The following TMBIM4 variants were observed in gnomAD, a reference collection of about 807,000 sequenced individuals.
The protein encoded by TMBIM4 is transmembrane BAX inhibitor motif containing 4.
TMBIM4 carries 28 observed loss-of-function variants against 27.7 expected under a neutral mutation model. The observed-to-expected ratio is 1.01, with a 90% CI of 0.75 to 1.38. TMBIM4 has a LOEUF of 1.38. Among genes scored for constraint, TMBIM4 ranks in the 40% most tolerant of loss-of-function variants. The probability of loss-of-function intolerance (pLI) is 0.00; values close to 1 mark genes in which losing one functional copy is unlikely to be tolerated. For synonymous variants in TMBIM4, 115 were observed against 113.1 expected (o/e 1.02, Z -0.11); for missense variants, 265 against 277.5 (o/e 0.95, Z 0.32).
In TMBIM4 at chr12:66,147,947, G is replaced by C; in HGVS notation, c.313-6C>G. On this transcript the variant is annotated splice_polypyrimidine_tract_variant and splice_region_variant and intron_variant, in intron 3 of 6. Transcript: ENST00000358230. ...GTCAGAGCTTCCAACAGCGTCTAAT[G>C]AAAAGAAACTTAAATTAGTGACTGT... is the stretch of plus-strand genomic sequence containing the variant. 6.2e-7 allele frequency: 1 copy of C among 1,610,136 alleles called. No homozygotes were observed.
intron 3 of TMBIM4, among the ~76,000 whole-genome samples, chr12:66,151,394 T>G (rs1373023760): frequency 1.3e-5 from 2 of 152,066 alleles, no homozygotes; most frequent in African/African-American, 4.8e-5. Flanking sequence ...CACACCACCA[T>G]GCCCAGCTAA....
chr12:66,157,016 G>A (rs553346486), intron 1 of TMBIM4, among the ~76,000 whole-genome samples: 3 of 151,918 alleles, frequency 2.0e-5, no homozygotes, highest in Non-Finnish European at 2.9e-5. Context: ...ATTATTCCCC[G>A]CCTAAGTAGC....
At chr12:66,169,360 A>C (rs548500152) in intron 1 of TMBIM4, 3 of 654,540 alleles carry the variant, frequency 4.6e-6, no homozygotes, top group Admixed American at 5.0e-5. Flanking sequence ...GGCCCTGCGG[A>C]GAGGAAATAG....
chr12:66,166,381 C>T (rs1190138757), intron 1 of TMBIM4, among the ~76,000 whole-genome samples: 1 of 148,400 alleles, frequency 6.7e-6, no homozygotes, highest in Non-Finnish European at 1.5e-5. Context: ...GGGAGGATCA[C>T]TTGAGCCTGG....
At chr12:66,146,762 T>C (rs2051758637) in intron 4 of TMBIM4, among the ~76,000 whole-genome samples, 1 of 152,126 alleles carries the variant, frequency 6.6e-6, no homozygotes, top group Non-Finnish European at 1.5e-5. Flanking sequence ...TCATGTTCTT[T>C]CTATCATTAA....
chr12:66,154,292 C>T (rs369047679), intron 1 of TMBIM4, among the ~76,000 whole-genome samples: 1 of 152,244 alleles, frequency 6.6e-6, no homozygotes, highest in South Asian at 2.1e-4. Context: ...CCTAAACATA[C>T]CATTAATCAC....
At chr12:66,160,876 C>T (rs1481228930) in intron 1 of TMBIM4, among the ~76,000 whole-genome samples, 1 of 142,466 alleles carries the variant, frequency 7.0e-6, no homozygotes, top group East Asian at 2.3e-4. Flanking sequence ...CCAGATGGGG[C>T]GGCGGGCGGG....
At chr12:66,141,449 A>C (rs1039290618) in intron 5 of TMBIM4, among the ~76,000 whole-genome samples, 5 of 152,114 alleles carry the variant, frequency 3.3e-5, no homozygotes, top group Non-Finnish European at 7.4e-5. Flanking sequence ...ATAGCTAATA[A>C]GCCAATAAAG....
chr12:66,150,915 A>T (rs562826061), intron 3 of TMBIM4, among the ~76,000 whole-genome samples: 2 of 152,310 alleles, frequency 1.3e-5, no homozygotes, highest in South Asian at 4.1e-4. Context: ...TTTGTCACTG[A>T]ATTTCCTATG....
chr12:66,149,657 C>G (rs564525110), intron 3 of TMBIM4, among the ~76,000 whole-genome samples: 1 of 152,056 alleles, frequency 6.6e-6, no homozygotes, highest in South Asian at 2.1e-4. Flanking sequence ...ACACATGCTC[C>G]TCGAGTTACA....
intron 5 of TMBIM4, chr12:66,139,839 T>C (rs1381511660): frequency 2.2e-6 from 1 of 449,022 alleles, no homozygotes; most frequent in Non-Finnish European, 4.5e-6. Flanking sequence ...GGACTGGGAA[T>C]AGTTTGCATT....
chr12:66,138,953 T>C, intron 5 of TMBIM4, 184 bp from the exon 6 acceptor site: 1 of 811,970 alleles, frequency 1.2e-6, no homozygotes. Flanking sequence ...TTAAAGAAAT[T>C]GAAAGAACAG....
chr12:66,144,041 G>C (rs2051712119), intron 5 of TMBIM4, among the ~76,000 whole-genome samples: 1 of 152,128 alleles, frequency 6.6e-6, no homozygotes. Context: ...GGAGAACTGG[G>C]CTGTATACCA....
intron 3 of TMBIM4, among the ~76,000 whole-genome samples, chr12:66,149,842 G>C (rs1047575168): frequency 3.3e-5 from 5 of 151,534 alleles, no homozygotes; most frequent in Non-Finnish European, 5.9e-5. Flanking sequence ...ATGATTCTAA[G>C]TTGAGGACTA....
intron 6 of TMBIM4, 62 bp from the exon 7 acceptor site, chr12:66,138,228 T>C: frequency 6.5e-7 from 1 of 1,543,362 alleles, no homozygotes; most frequent in Non-Finnish European, 8.7e-7. Context: ...AGGACTTAAC[T>C]TACTTCCTCT....
intron 3 of TMBIM4, among the ~76,000 whole-genome samples, chr12:66,151,381 G>A (rs963957735): frequency 6.6e-6 from 1 of 152,000 alleles, no homozygotes; most frequent in Admixed American, 6.6e-5. Context: ...GGGACTATAG[G>A]TGCACACCAC....
chr12:66,158,948 A>G (rs2051991773), intron 1 of TMBIM4, among the ~76,000 whole-genome samples: 1 of 152,226 alleles, frequency 6.6e-6, no homozygotes, highest in African/African-American at 2.4e-5. Context: ...AGCTACACCC[A>G]GTGAGCTTCA....
chr12:66,167,706 TTAAA>T (rs1201855055), intron 1 of TMBIM4, among the ~76,000 whole-genome samples: 4 of 152,344 alleles, frequency 2.6e-5, no homozygotes, highest in East Asian at 1.9e-4. Flanking sequence ...TGGCCGTTCC[TTAAA>T]TAATTAAAAA....
intron 5 of TMBIM4, among the ~76,000 whole-genome samples, chr12:66,140,482 CAAAA>C (rs201212881): frequency 6.6e-6 from 1 of 151,316 alleles, no homozygotes; most frequent in African/African-American, 2.4e-5. Flanking sequence ...AACAAACAAA[CAAAA>C]AAAACAGAAC....
Sources: allele counts gnomAD v4.1 joint callset (sites outside exome capture counted in the v4.1 genomes callset), GRCh38; gene constraint gnomAD v4.1.1; transcripts MANE v1.5; gene names NCBI Gene and HGNC (gene_info 2026-07-23, HGNC 2026-07-21).